Variants in NTM observed in about 807,000 individuals in gnomAD.
The protein encoded by NTM is neurotrimin, also known as IgLON family member 2.
Under a neutral mutation model 42.1 loss-of-function variants are expected in NTM, and 13 were observed. The observed-to-expected ratio is 0.31, with a 90% CI of 0.20 to 0.49. The LOEUF (loss-of-function observed/expected upper bound fraction) is 0.49, where lower values mean the gene tolerates loss of function less well. Among genes scored for constraint, NTM ranks in the 20% least tolerant of loss-of-function variants. The pLI, the probability that NTM is intolerant of heterozygous loss-of-function variation, is 0.99. For missense variants in NTM, 373 were observed against 452.8 expected, an observed-to-expected ratio of 0.82 and a Z score of 1.60; for synonymous variants, 187 against 179.2, an observed-to-expected ratio of 1.04 and a Z score of -0.35.
At chr11:131,772,009 T>A (rs2135926854) in intron 1 of NTM, among the ~76,000 whole-genome samples, 1 of 152,320 alleles carries the variant, frequency 6.6e-6, no homozygotes, top group East Asian at 1.9e-4. Flanking sequence ...CCCAACCTAA[T>A]CCCAAGTTTC....
chr11:131,777,090 T>C (rs1001448820), intron 1 of NTM: 30 of 957,058 alleles, frequency 3.1e-5, no homozygotes, highest in African/African-American at 3.5e-5. Flanking sequence ...TTGGAAGAAA[T>C]TATTGATTTC....
At chr11:131,545,849 G>A (rs1451334130) in intron 1 of NTM, among the ~76,000 whole-genome samples, 3 of 152,196 alleles carry the variant, frequency 2.0e-5, no homozygotes, top group East Asian at 1.9e-4. Flanking sequence ...GGGACCTGCA[G>A]TGCCTTCATG....
intron 1 of NTM, among the ~76,000 whole-genome samples, chr11:131,641,178 A>G (rs1193716842): frequency 6.6e-6 from 1 of 152,198 alleles, no homozygotes; most frequent in Non-Finnish European, 1.5e-5. Context: ...GACAACGATC[A>G]TGTTTTCCTT....
At chr11:131,791,926 C>T (rs1025514459) in intron 1 of NTM, among the ~76,000 whole-genome samples, 1 of 152,138 alleles carries the variant, frequency 6.6e-6, no homozygotes. Context: ...CAGTGTCTAT[C>T]CCATAGGACT....
intron 1 of NTM, among the ~76,000 whole-genome samples, chr11:131,631,661 A>G (rs1056532379): frequency 2.0e-5 from 3 of 152,180 alleles, no homozygotes; most frequent in Non-Finnish European, 4.4e-5. Context: ...AATTTCCATA[A>G]CTGTTTGGTC....
At chr11:131,406,312 A>T (rs1237951413) in intron 1 of NTM, among the ~76,000 whole-genome samples, 2 of 152,204 alleles carry the variant, frequency 1.3e-5, no homozygotes, top group Admixed American at 1.3e-4. Flanking sequence ...CTATCTAGAA[A>T]CTGGGACAAG....
At chr11:131,654,834 C>A (rs1189134112) in intron 1 of NTM, among the ~76,000 whole-genome samples, 2 of 152,268 alleles carry the variant, frequency 1.3e-5, no homozygotes, top group African/African-American at 4.8e-5. Context: ...ATTGGAGCCA[C>A]GCTACTTATA....
At chr11:132,137,510 C>T (rs1179248297) in intron 2 of NTM, among the ~76,000 whole-genome samples, 1 of 152,172 alleles carries the variant, frequency 6.6e-6, no homozygotes, top group African/African-American at 2.4e-5. Context: ...GCTTATTGCA[C>T]AACGAACCTG....
intron 2 of NTM, among the ~76,000 whole-genome samples, chr11:132,116,695 G>A (rs1449172379): frequency 6.6e-6 from 1 of 152,188 alleles, no homozygotes; most frequent in Non-Finnish European, 1.5e-5. Context: ...GGGAAATTGT[G>A]ATATGCCATG....
At chr11:132,186,896 C>G (rs1473056270) in intron 3 of NTM, among the ~76,000 whole-genome samples, 1 of 152,202 alleles carries the variant, frequency 6.6e-6, no homozygotes, top group African/African-American at 2.4e-5. Context: ...TTTCCTCAAA[C>G]GCTAGGTGGC....
At chr11:131,520,937 T>C (rs888640580) in intron 1 of NTM, among the ~76,000 whole-genome samples, 1 of 152,182 alleles carries the variant, frequency 6.6e-6, no homozygotes, top group African/African-American at 2.4e-5. Flanking sequence ...TTGGCTTCCG[T>C]TGAGGTCTCA....
At chr11:132,311,450 A>AAAAC (rs1217502599) in intron 6 of NTM, among the ~76,000 whole-genome samples, 6 of 152,302 alleles carry the variant, frequency 3.9e-5, no homozygotes, top group Non-Finnish European at 7.3e-5. Context: ...ACAAAGGGGA[A>AAAAC]AAACAAACTC....
In NTM at chr11:132,130,252, G is replaced by C. The variant is rs143684538; in HGVS notation, c.168-16030G>C. Among the ~76,000 whole-genome samples, 975 of 152,172 alleles carry C rather than the reference G, an allele frequency of 6.4e-3. 10 individuals carry two copies. The highest frequency in any genetic ancestry group is 0.023 in the African/African-American group (934 of 41,500). On this transcript the variant is annotated intron_variant, in intron 2 of 8. Coordinates refer to ENST00000683400, the MANE Select transcript of NTM (RefSeq NM_001352005.2). ...GATGAGGGAAAGACAGTGAAGCCTCGGAAGTGGGAGTTGGTTCAGCTTTGT... is the reference window on the plus strand; with the variant it reads ...GATGAGGGAAAGACAGTGAAGCCTCCGAAGTGGGAGTTGGTTCAGCTTTGT...
chr11:131,632,718 A>G (rs545812522), intron 1 of NTM, among the ~76,000 whole-genome samples: 6 of 108,438 alleles, frequency 5.5e-5, no homozygotes, highest in Non-Finnish European at 8.4e-5. Context: ...TCTGTCGCCC[A>G]GGCTGGAGTG....
At chr11:131,391,297 C>G (rs1374274101) in intron 1 of NTM, among the ~76,000 whole-genome samples, 2 of 152,082 alleles carry the variant, frequency 1.3e-5, no homozygotes, top group Non-Finnish European at 2.9e-5. Context: ...TCCCCACATG[C>G]TTTGGGTGCC....
intron 1 of NTM, among the ~76,000 whole-genome samples, chr11:131,448,921 A>T (rs1950268802): frequency 6.6e-6 from 1 of 152,192 alleles, no homozygotes. Context: ...GGCATCTCTA[A>T]AGCCCCTGCT....
intron 2 of NTM, among the ~76,000 whole-genome samples, chr11:131,942,353 T>TC (rs1263245788): frequency 6.6e-6 from 1 of 152,152 alleles, no homozygotes; most frequent in Admixed American, 6.5e-5. Flanking sequence ...ACTCCCTTCT[T>TC]CCTGTGATCC....
chr11:132,329,351 G>A (rs1047619178), intron 7 of NTM, among the ~76,000 whole-genome samples: 1 of 152,200 alleles, frequency 6.6e-6, no homozygotes, highest in Non-Finnish European at 1.5e-5. Flanking sequence ...AGAAAAGGTG[G>A]AGAGACTCCA....
In NTM at chr11:131,701,537, C is replaced by T. The variant is rs1047487857; in HGVS notation, c.83-210027C>T. 8.7e-4 allele frequency among the ~76,000 whole-genome samples: 133 copies of T among 152,184 alleles called. 6 individuals are homozygous for T. The highest frequency in any genetic ancestry group is 1.8e-4 in the Non-Finnish European group (12 of 68,030). ...CCAGGAGCTACAGGATCCAGAGGCA[C>T]GGGCAAGGATTCTGCCTCTGCCATC... On this transcript the variant is annotated intron_variant, in intron 1 of 8. Transcript: ENST00000683400.
Sources: allele counts gnomAD v4.1 joint callset (sites outside exome capture counted in the v4.1 genomes callset), GRCh38; gene constraint gnomAD v4.1.1; transcripts MANE v1.5; gene names NCBI Gene and HGNC (gene_info 2026-07-23, HGNC 2026-07-21).